AJAP1: variants seen among roughly 807,000 people sequenced by gnomAD.
The protein encoded by AJAP1 is adherens junctions associated protein 1.
A neutral mutation model predicts 35.0 loss-of-function variants in AJAP1; 5 were observed. That is an observed-to-expected ratio of 0.14 (90% confidence interval 0.07 to 0.30). The LOEUF (loss-of-function observed/expected upper bound fraction) is 0.30, where lower values mean the gene tolerates loss of function less well. AJAP1 is among the 10% of genes least tolerant of loss of function. The pLI is 1.00. For missense variants in AJAP1, 586 were observed against 571.0 expected (o/e 1.03, Z -0.27); for synonymous variants, 284 against 249.3 (o/e 1.14, Z -1.31).
At chr1:4,679,486 G>A (rs1275322717) in intron 1 of AJAP1, among the ~76,000 whole-genome samples, 2 of 152,158 alleles carry the variant, frequency 1.3e-5, no homozygotes, top group Middle Eastern at 3.2e-3. Flanking sequence ...TTAGATTAAT[G>A]TGGCCACCAT....
At chr1:4,664,069 T>C (rs1639062960) in intron 1 of AJAP1, among the ~76,000 whole-genome samples, 1 of 152,106 alleles carries the variant, frequency 6.6e-6, no homozygotes, top group South Asian at 2.1e-4. Context: ...CATTCCTACA[T>C]TGCTATGGTA....
At chr1:4,757,323 C>T (rs1003602253) in intron 2 of AJAP1, among the ~76,000 whole-genome samples, 2 of 152,210 alleles carry the variant, frequency 1.3e-5, no homozygotes, top group Admixed American at 6.5e-5. Context: ...TCACATGCCC[C>T]CGGGTGGCCA....
At chr1:4,762,712 C>T (rs1485514964) in intron 2 of AJAP1, among the ~76,000 whole-genome samples, 1 of 152,186 alleles carries the variant, frequency 6.6e-6, no homozygotes, top group African/African-American at 2.4e-5. Context: ...GTGAGTCTCC[C>T]TGCTGAATTA....
At chr1:4,703,725 C>G (rs992672513) in intron 1 of AJAP1, among the ~76,000 whole-genome samples, 22 of 152,206 alleles carry the variant, frequency 1.4e-4, no homozygotes, top group Middle Eastern at 3.2e-3. Flanking sequence ...GTATGGCCAA[C>G]ACAGAACCCC....
In AJAP1 at chr1:4,790,153, A is replaced by C. The variant is rs756762951; in HGVS notation, c.*7668A>C. ...AGAGCCATGTATGGGCATAGGAGCAAGCTGATGGCATGGCTCTTGACAAGG... is the reference window on the plus strand; with the variant it reads ...AGAGCCATGTATGGGCATAGGAGCACGCTGATGGCATGGCTCTTGACAAGG... On this transcript the variant is annotated 3_prime_UTR_variant, in exon 6 of 6. Transcript: ENST00000378191. The C allele has an allele frequency of 2.4e-4, 37 of 152,262 alleles. No individual in the cohort carries two copies. Among genetic ancestry groups the C allele is most frequent in the Non-Finnish European group, 5.0e-4 (34 of 68,070 alleles). 9.4% of individuals were successfully genotyped at this position (152,262 alleles called of 1,614,324 possible). A position where few individuals can be genotyped will look rare whatever the true frequency, so the allele number is the denominator to read the frequency against.
Position 4,723,602 on chromosome 1 carries a change from C to T in AJAP1, c.829+10903C>T, listed in dbSNP as rs1640575998. On this transcript the variant is annotated intron_variant, in intron 2 of 5. Transcript: ENST00000378191. The surrounding 1 kb of genome is among the most constrained non-coding windows in gnomAD (Gnocchi z 4.3). ...GGCCACTTTTGTGAGGTGGAGGCTG[C>T]TGGAGACGTGGTGAGGGGAGAGTCC... Among the ~76,000 whole-genome samples, 1 of 151,996 alleles carries T rather than the reference C, an allele frequency of 6.6e-6. No homozygotes were observed. Among genetic ancestry groups the T allele is most frequent in the Admixed American group, 6.6e-5 (1 of 15,266 alleles).
At chr1:4,661,396 G>A (rs1216280045) in intron 1 of AJAP1, among the ~76,000 whole-genome samples, 1 of 152,228 alleles carries the variant, frequency 6.6e-6, no homozygotes, top group East Asian at 1.9e-4. Context: ...TGTTCCTCAG[G>A]GTGGCCCTGC....
At chr1:4,683,629 C>G (rs1639537416) in intron 1 of AJAP1, among the ~76,000 whole-genome samples, 1 of 152,182 alleles carries the variant, frequency 6.6e-6, no homozygotes, top group Non-Finnish European at 1.5e-5. Flanking sequence ...CACTGGGTAC[C>G]CACAGTCTTT....
chr1:4,746,604 G>A (rs1641193808), intron 2 of AJAP1, among the ~76,000 whole-genome samples: 1 of 152,192 alleles, frequency 6.6e-6, no homozygotes, highest in African/African-American at 2.4e-5. Context: ...CACTCCAGGT[G>A]CCTTCTAAGG....
intron 1 of AJAP1, among the ~76,000 whole-genome samples, chr1:4,675,030 C>A (rs1639333733): frequency 6.6e-6 from 1 of 152,190 alleles, no homozygotes; most frequent in African/African-American, 2.4e-5. Context: ...TGCCATGAAG[C>A]CCAGGAGGGC....
intron 1 of AJAP1, among the ~76,000 whole-genome samples, chr1:4,666,189 C>T (rs1348938629): frequency 6.7e-6 from 1 of 150,010 alleles, no homozygotes; most frequent in Non-Finnish European, 1.5e-5. Flanking sequence ...CCCACTGAGG[C>T]TCCTCCGGCC....
In AJAP1 at chr1:4,772,268, T is replaced by C. The variant is rs1016137531; in HGVS notation, c.918-12T>C. 6.2e-7 allele frequency: 1 copy of C among 1,613,696 alleles called. No individual in the cohort carries two copies. On this transcript the variant is annotated splice_polypyrimidine_tract_variant and intron_variant, in intron 3 of 5. Transcript: ENST00000378191. The stretch of plus-strand genomic sequence containing the variant: ...CTGCCCGTCCCCCTACCCCAAACTC[T>C]TTCTCTTCCAGCTGTGCCCAAAGCG...
At chr1:4,701,081 G>A (rs893642868) in intron 1 of AJAP1, among the ~76,000 whole-genome samples, 1 of 152,262 alleles carries the variant, frequency 6.6e-6, no homozygotes, top group African/African-American at 2.4e-5. Flanking sequence ...CAGAACGCCA[G>A]CGCCGTTGCT....
At position 4,788,961 on chromosome 1, in the gene AJAP1, A is replaced by C. The variant is rs1378363617; in HGVS notation, c.*6476A>C. The C allele has an allele frequency of 6.6e-6, 1 of 152,232 alleles. No individual in the cohort carries two copies. The highest frequency in any genetic ancestry group is 2.4e-5 in the African/African-American group (1 of 41,456). The allele number at this position is 152,232 out of a possible 1,614,324, so 9.4% of individuals were successfully genotyped here. Reference sequence around the variant, plus strand: ...GTGATGGGCCTGTTTTGGAGCTAAAAGCATAAAATGAATCCTCCCTGTAGC... The same window carrying C: ...GTGATGGGCCTGTTTTGGAGCTAAACGCATAAAATGAATCCTCCCTGTAGC... On this transcript the variant is annotated 3_prime_UTR_variant, in exon 6 of 6. Transcript: ENST00000378191.
chr1:4,696,931 G>C (rs768081541), intron 1 of AJAP1, among the ~76,000 whole-genome samples: 2 of 151,904 alleles, frequency 1.3e-5, no homozygotes, highest in Non-Finnish European at 2.9e-5. Context: ...TTCTGTGTGC[G>C]TGTGTGTCTC....
In AJAP1 at chr1:4,778,921, G is replaced by A. The variant is rs549740698; in HGVS notation, c.*60-3624G>A. Among the ~76,000 whole-genome samples, 940 of 152,240 alleles carry A rather than the reference G, an allele frequency of 6.2e-3. 10 individuals carry two copies. Among genetic ancestry groups the A allele is most frequent in the South Asian group, 0.013 (62 of 4,818 alleles). On this transcript the variant is annotated intron_variant, in intron 5 of 5. Coordinates refer to ENST00000378191, the MANE Select transcript of AJAP1 (RefSeq NM_018836.4). ...ATCCGGTGTTTTGATTCCCTACTCC[G>A]GGCCAGGCACAGAACTGGAACCTGC...
rs764708231 is a variant in AJAP1 at position 4,767,596 on chromosome 1, C to T, written c.830-2257C>T. ...ACCATCATCACCATCACCACCATCA[C>T]CATTATCATCATCACCATCTTTATC... On this transcript the variant is annotated intron_variant, in intron 2 of 5. Transcript: ENST00000378191. Among the ~76,000 whole-genome samples the T allele has an allele frequency of 3.2e-4, 47 of 148,696 alleles. No homozygotes were observed. The Middle Eastern group carries it at 0.01, about 33-fold the overall frequency.
intron 5 of AJAP1, among the ~76,000 whole-genome samples, chr1:4,775,024 A>T (rs758136039): frequency 6.6e-6 from 1 of 152,194 alleles, no homozygotes; most frequent in Non-Finnish European, 1.5e-5. Flanking sequence ...TTAAAATACA[A>T]TTTTGAAATA....
chr1:4,706,311 G>A (rs945656210), intron 1 of AJAP1, among the ~76,000 whole-genome samples: 3 of 152,188 alleles, frequency 2.0e-5, no homozygotes, highest in Non-Finnish European at 2.9e-5. Flanking sequence ...GTAGAAGCAC[G>A]GGTCTTCTTC....
Sources: gnomAD v4.1 joint callset for allele counts (sites outside exome capture counted in the v4.1 genomes callset) on GRCh38, gnomAD v4.1.1 for gene constraint, Gnocchi (gnomAD v3.1) non-coding constraint, MANE v1.5 for transcripts, NCBI Gene and HGNC (gene_info 2026-07-23, HGNC 2026-07-21) for gene names.